BMAL1: variants seen among roughly 807,000 people sequenced by gnomAD.
The protein encoded by BMAL1 is basic helix-loop-helix ARNT like 1.
At chr11:13,279,347 G>A in the BMAL1 span, among the ~76,000 whole-genome samples, 1 of 152,068 alleles carries the variant, frequency 6.6e-6, no homozygotes, top group Non-Finnish European at 1.5e-5. Flanking sequence ...CATTTCCCAC[G>A]ACACCTGCTT....
At chr11:13,292,159 A>G in the BMAL1 span, among the ~76,000 whole-genome samples, 15 of 152,292 alleles carry the variant, frequency 9.8e-5, no homozygotes, top group South Asian at 1.5e-3. Context: ...TGACCTAAGC[A>G]TAAATTGTCT....
chr11:13,302,014 G>A, the BMAL1 span, among the ~76,000 whole-genome samples: 2 of 152,306 alleles, frequency 1.3e-5, no homozygotes, highest in African/African-American at 4.8e-5. Context: ...CAGACAGATG[G>A]ACAGATGCCG....
the BMAL1 span, chr11:13,358,327 C>A: frequency 8.0e-7 from 1 of 1,245,576 alleles, no homozygotes; most frequent in Non-Finnish European, 1.1e-6. Context: ...TCTAAATTTG[C>A]CTTGTCAGAT....
the BMAL1 span, among the ~76,000 whole-genome samples, chr11:13,323,761 C>T: frequency 6.6e-6 from 1 of 152,090 alleles, no homozygotes; most frequent in East Asian, 1.9e-4. Context: ...GGATTACAGT[C>T]GTGCGCTACC....
At chr11:13,386,587 C>T in the BMAL1 span, 2 of 1,605,492 alleles carry the variant, frequency 1.2e-6, no homozygotes. Flanking sequence ...TCTTTATCTC[C>T]TCCCACAGGT....
chr11:13,298,593 C>T, the BMAL1 span, among the ~76,000 whole-genome samples: 1 of 152,184 alleles, frequency 6.6e-6, no homozygotes, highest in Non-Finnish European at 1.5e-5. Context: ...ATTTTGTTCA[C>T]TGCTGTATCC....
At chr11:13,351,014 C>A in the BMAL1 span, among the ~76,000 whole-genome samples, 1 of 152,132 alleles carries the variant, frequency 6.6e-6, no homozygotes, top group Non-Finnish European at 1.5e-5. Context: ...AAATAATGTT[C>A]CTGTTCTCCT....
chr11:13,338,743 AC>A, the BMAL1 span, among the ~76,000 whole-genome samples: 1 of 151,972 alleles, frequency 6.6e-6, no homozygotes, highest in Non-Finnish European at 1.5e-5. Context: ...AAGTTGCCAT[AC>A]CTCTCTGAGC....
chr11:13,358,134 G>A, the BMAL1 span, among the ~76,000 whole-genome samples: 1 of 152,144 alleles, frequency 6.6e-6, no homozygotes, highest in Non-Finnish European at 1.5e-5. Context: ...TTTGACAAAG[G>A]CTGAGAGGAA....
At chr11:13,372,216 C>G in the BMAL1 span, 1 of 1,614,132 alleles carries the variant, frequency 6.2e-7, no homozygotes, top group South Asian at 1.1e-5. Context: ...GAAAAGCTGG[C>G]CACCCACAAA....
At chr11:13,342,628 G>A in the BMAL1 span, among the ~76,000 whole-genome samples, 2 of 151,434 alleles carry the variant, frequency 1.3e-5, no homozygotes, top group Admixed American at 6.6e-5. Flanking sequence ...TTCCCTATAC[G>A]TATTTGGCCC....
the BMAL1 span, among the ~76,000 whole-genome samples, chr11:13,320,419 T>C: frequency 1.3e-5 from 2 of 152,318 alleles, no homozygotes; most frequent in Middle Eastern, 3.4e-3. Context: ...CAGTCTGGCA[T>C]AGTGGTAAGA....
chr11:13,287,797 C>T, the BMAL1 span, among the ~76,000 whole-genome samples: 1 of 152,148 alleles, frequency 6.6e-6, no homozygotes, highest in East Asian at 1.9e-4. Flanking sequence ...TATAGCTGAG[C>T]CACATTAACT....
chr11:13,284,196 G>GTATATATATA, the BMAL1 span, among the ~76,000 whole-genome samples: 1 of 30,260 alleles, frequency 3.3e-5, no homozygotes, highest in African/African-American at 1.4e-4. Context: ...ATATATATGT[G>GTATATATATA]TGTATATATA....
the BMAL1 span, among the ~76,000 whole-genome samples, chr11:13,361,598 CTATT>C: frequency 6.6e-6 from 1 of 152,152 alleles, no homozygotes; most frequent in South Asian, 2.1e-4. Flanking sequence ...CCAGCATTCT[CTATT>C]TATCTCCTCA....
the BMAL1 span, chr11:13,355,258 G>A: frequency 6.2e-7 from 1 of 1,613,834 alleles, no homozygotes; most frequent in Non-Finnish European, 8.5e-7. Flanking sequence ...CACAATGGCT[G>A]GAGGTCAGAT....
the BMAL1 span, chr11:13,376,661 G>A: frequency 6.2e-7 from 1 of 1,613,948 alleles, no homozygotes; most frequent in African/African-American, 1.3e-5. Context: ...TGGAAGGCGG[G>A]GACCCAACCT....
At chr11:13,348,029 G>T in the BMAL1 span, among the ~76,000 whole-genome samples, 2 of 152,138 alleles carry the variant, frequency 1.3e-5, no homozygotes. Context: ...GAGGAGACAC[G>T]CCTACAAGCA....
the BMAL1 span, among the ~76,000 whole-genome samples, chr11:13,311,376 G>A: frequency 3.3e-3 from 505 of 152,284 alleles, 3 homozygotes; most frequent in African/African-American, 0.011. Context: ...GGAGAGTCCC[G>A]GGAAGGGAAG....
Sources: gnomAD v4.1 joint callset for allele counts (sites outside exome capture counted in the v4.1 genomes callset) on GRCh38, gnomAD v4.1.1 for gene constraint, MANE v1.5 for transcripts, NCBI Gene and HGNC (gene_info 2026-07-23, HGNC 2026-07-21) for gene names.